Variants in SYT2 observed in about 807,000 individuals in gnomAD.
SYT2 encodes synaptotagmin 2, also known as synaptotagmin-2.
SYT2 carries 15 observed loss-of-function variants against 39.9 expected under a neutral mutation model. That is an observed-to-expected ratio of 0.38 (90% CI 0.25 to 0.58). The LOEUF is 0.58. SYT2 is among the 20% of genes least tolerant of loss of function. SYT2 has a pLI of 0.70. For synonymous variants in SYT2, 181 were observed against 204.5 expected, an observed-to-expected ratio of 0.89 and a Z score of 0.98; for missense variants, 389 against 530.3, an observed-to-expected ratio of 0.73 and a Z score of 2.62.
intron 1 of SYT2, among the ~76,000 whole-genome samples, chr1:202,708,228 C>A (rs185774553): frequency 1.3e-5 from 2 of 152,182 alleles, no homozygotes; most frequent in Non-Finnish European, 2.9e-5. Flanking sequence ...TGCATAATCA[C>A]CCCCTTCCCC....
intron 1 of SYT2, among the ~76,000 whole-genome samples, chr1:202,674,910 G>GTCTCCTCTTTATGGGAGGTCAC (rs11267177): frequency 1.3e-5 from 2 of 151,816 alleles, no homozygotes; most frequent in Non-Finnish European, 2.9e-5. Context: ...TAATCTCAAT[G>GTCTCCTCTTTATGGGAGGTCAC]TCATGATCTC....
chr1:202,691,477 C>T (rs372656300), intron 1 of SYT2, among the ~76,000 whole-genome samples: 1 of 151,584 alleles, frequency 6.6e-6, no homozygotes, highest in Non-Finnish European at 1.5e-5. Context: ...AGTGAGAGCC[C>T]GTCTCTATAA....
At chr1:202,625,370 G>A (rs1244256075) in intron 1 of SYT2, among the ~76,000 whole-genome samples, 2 of 148,108 alleles carry the variant, frequency 1.4e-5, no homozygotes, top group Non-Finnish European at 3.0e-5. Flanking sequence ...TGTGGTGTGT[G>A]GTGTGTGTGT....
intron 1 of SYT2, among the ~76,000 whole-genome samples, chr1:202,692,144 A>AG (rs1379536130): frequency 6.6e-6 from 1 of 151,846 alleles, no homozygotes; most frequent in African/African-American, 2.4e-5. Flanking sequence ...CGACAGAGGG[A>AG]GGGAGGGAGA....
chr1:202,632,465 C>A, intron 1 of SYT2: 1 of 764,240 alleles, frequency 1.3e-6, no homozygotes, highest in Non-Finnish European at 1.6e-6. Flanking sequence ...GAGAAACTGA[C>A]TCTATAACCA....
intron 1 of SYT2, among the ~76,000 whole-genome samples, chr1:202,648,548 CCAGA>C (rs1053111848): frequency 6.6e-6 from 1 of 152,154 alleles, no homozygotes; most frequent in African/African-American, 2.4e-5. Flanking sequence ...CTGCTATGGA[CCAGA>C]CAGTTTATAT....
chr1:202,646,511 C>T (rs1005077626), intron 1 of SYT2, among the ~76,000 whole-genome samples: 12 of 152,296 alleles, frequency 7.9e-5, no homozygotes, highest in African/African-American at 2.4e-4. Context: ...CCTACTGGCC[C>T]GGAGTAGGCA....
intron 1 of SYT2, among the ~76,000 whole-genome samples, chr1:202,620,617 GC>G (rs1691178496): frequency 6.6e-6 from 1 of 151,932 alleles, no homozygotes; most frequent in Non-Finnish European, 1.5e-5. Flanking sequence ...CCTGTTATAA[GC>G]CCTCTTATAA....
At chr1:202,705,270 G>C (rs548630746) in intron 1 of SYT2, among the ~76,000 whole-genome samples, 1 of 152,382 alleles carries the variant, frequency 6.6e-6, no homozygotes, top group East Asian at 1.9e-4. Flanking sequence ...GTAAAGTGGG[G>C]ACAGCGATGG....
intron 1 of SYT2, among the ~76,000 whole-genome samples, chr1:202,640,897 T>C (rs558840365): frequency 6.6e-6 from 1 of 152,092 alleles, no homozygotes; most frequent in South Asian, 2.1e-4. Flanking sequence ...AAGTCCACAA[T>C]CTTTCCCTGC....
chr1:202,665,148 C>A (rs1040271764), intron 1 of SYT2, among the ~76,000 whole-genome samples: 3 of 152,182 alleles, frequency 2.0e-5, no homozygotes, highest in African/African-American at 7.2e-5. Flanking sequence ...AGAAACTCTG[C>A]TGCCTCCTAA....
At chr1:202,688,414 A>G (rs1031710782) in intron 1 of SYT2, among the ~76,000 whole-genome samples, 1 of 152,226 alleles carries the variant, frequency 6.6e-6, no homozygotes, top group African/African-American at 2.4e-5. Context: ...CTGGGACTGC[A>G]TAAGGCAGGG....
Position 202,596,820 on chromosome 1 carries a change from G to A in SYT2, c.1197C>T (p.Ile399=), listed in dbSNP as rs504261. The part of the protein sequence containing the change: ...SDMLANPRRP[I]AQWHSLKPEE... Reference sequence around the variant, plus strand: ...CAGGCTTGAGCGAGTGCCACTGGGCGATGGGCCTCCGGGGGTTGGCCAGCA... The same window carrying A: ...CAGGCTTGAGCGAGTGCCACTGGGCAATGGGCCTCCGGGGGTTGGCCAGCA... Residue 399 remains isoleucine, a synonymous_variant, in exon 9 of 9, where the codon ATC becomes ATT. Coordinates refer to ENST00000367268, the MANE Select transcript of SYT2 (RefSeq NM_177402.5). 0.37 allele frequency: 591,329 copies of A among 1,613,786 alleles called. 110,090 individuals are homozygous for A. The highest frequency in any genetic ancestry group is 0.38 in the Non-Finnish European group (448,647 of 1,179,898).
In SYT2 at chr1:202,647,704, C is replaced by T. The variant is rs113584035; in HGVS notation, c.-17-41915G>A. Reference sequence around the variant, plus strand: ...CAGACCTGTCCAAACAAAATAATGGCTCTCAGTTATTCCCTTCCAGAAACG... The same window carrying T: ...CAGACCTGTCCAAACAAAATAATGGTTCTCAGTTATTCCCTTCCAGAAACG... On this transcript the variant is annotated intron_variant, in intron 1 of 8. Coordinates refer to ENST00000367268, the MANE Select transcript of SYT2 (RefSeq NM_177402.5). Among the ~76,000 whole-genome samples the T allele has an allele frequency of 3.9e-3, 591 of 152,326 alleles. 3 individuals carry two copies. The highest frequency in any genetic ancestry group is 0.014 in the African/African-American group (566 of 41,574).
intron 1 of SYT2, among the ~76,000 whole-genome samples, chr1:202,661,376 G>A (rs1201380097): frequency 6.6e-6 from 1 of 151,958 alleles, no homozygotes; most frequent in Non-Finnish European, 1.5e-5. Flanking sequence ...TAGAAGAGAT[G>A]GATGGCTTCG....
intron 1 of SYT2, among the ~76,000 whole-genome samples, chr1:202,686,548 G>A (rs144824978): frequency 1.3e-5 from 2 of 152,226 alleles, no homozygotes; most frequent in African/African-American, 4.8e-5. Context: ...ATGATAATGG[G>A]GGGTGGGGGA....
At chr1:202,658,803 C>G (rs1318405397) in intron 1 of SYT2, among the ~76,000 whole-genome samples, 1 of 152,098 alleles carries the variant, frequency 6.6e-6, no homozygotes, top group Non-Finnish European at 1.5e-5. Context: ...GCACCCTCCT[C>G]TTGCCCCTGC....
chr1:202,635,395 G>A (rs1691712349), intron 1 of SYT2, among the ~76,000 whole-genome samples: 1 of 152,224 alleles, frequency 6.6e-6, no homozygotes, highest in African/African-American at 2.4e-5. Context: ...TTTGATGTCA[G>A]GAGCAGGGTC....
At position 202,614,235 on chromosome 1, in the gene SYT2, G is replaced by T. The variant is rs192646219; in HGVS notation, c.-17-8446C>A. On this transcript the variant is annotated intron_variant, in intron 1 of 8. Transcript: ENST00000367268. This position sits in a 1 kb window ranked among gnomAD's most constrained non-coding sequence, Gnocchi z 4.0. The stretch of plus-strand genomic sequence containing the variant: ...AATCTGCAGGCCAGGAATGAAGGGG[G>T]AGAACTGCATCTCAGGAGTGTTGGA... Among the ~76,000 whole-genome samples, 6 of 152,224 alleles carry T rather than the reference G, an allele frequency of 3.9e-5. No individual in the cohort carries two copies. The highest frequency in any genetic ancestry group is 1.2e-4 in the African/African-American group (5 of 41,456).
Sources: gnomAD v4.1 joint callset for allele counts (sites outside exome capture counted in the v4.1 genomes callset) on GRCh38, gnomAD v4.1.1 for gene constraint, Gnocchi (gnomAD v3.1) non-coding constraint, MANE v1.5 for transcripts, NCBI Gene and HGNC (gene_info 2026-07-23, HGNC 2026-07-21) for gene names.